Variants in CCDC170 observed in about 807,000 individuals in gnomAD.
The protein encoded by CCDC170 is coiled-coil domain containing 170.
Under a neutral mutation model 72.6 loss-of-function variants are expected in CCDC170, and 69 were observed. The observed-to-expected ratio is 0.95, with a 90% CI of 0.78 to 1.16. The LOEUF is 1.16. Among genes scored for constraint, CCDC170 ranks in the 50% most tolerant of loss-of-function variants. The pLI, the probability that CCDC170 is intolerant of heterozygous loss-of-function variation, is 0.00. For missense variants in CCDC170, 852 were observed against 832.5 expected, an observed-to-expected ratio of 1.02 and a Z score of -0.29; for synonymous variants, 300 against 303.9, an observed-to-expected ratio of 0.99 and a Z score of 0.13.
chr6:151,534,620 T>C (rs1405424532), intron 1 of CCDC170, among the ~76,000 whole-genome samples: 2 of 152,182 alleles, frequency 1.3e-5, no homozygotes. Flanking sequence ...TCAGTTAAAC[T>C]TCTTATGCTT....
chr6:151,537,068 A>G (rs1222804692), intron 2 of CCDC170, among the ~76,000 whole-genome samples: 1 of 152,162 alleles, frequency 6.6e-6, no homozygotes, highest in Non-Finnish European at 1.5e-5. Context: ...CTCTCAGAAT[A>G]TCTTCCTTTA....
rs999005386 is a variant in CCDC170 at position 151,508,559 on chromosome 6, A to C, written c.57+14374A>C. ...ATCTGAAAAAAACCAAAAAAACCCCAAAAATTAGCCGGGAGTGGTAGCGTG... is the reference window on the plus strand; with the variant it reads ...ATCTGAAAAAAACCAAAAAAACCCCCAAAATTAGCCGGGAGTGGTAGCGTG... On this transcript the variant is annotated intron_variant, in intron 1 of 10. Coordinates refer to ENST00000239374, the MANE Select transcript of CCDC170 (RefSeq NM_025059.4). 3.3e-5 allele frequency among the ~76,000 whole-genome samples: 5 copies of C among 151,834 alleles called. No individual in the cohort carries two copies. In the South Asian group the frequency reaches 8.3e-4, roughly 25 times the overall value.
At chr6:151,578,977 A>G (rs1054258140) in intron 6 of CCDC170, among the ~76,000 whole-genome samples, 1 of 152,132 alleles carries the variant, frequency 6.6e-6, no homozygotes, top group African/African-American at 2.4e-5. Context: ...TTAGGGCATT[A>G]TGACTTTACT....
chr6:151,572,218 C>T (rs995516307), intron 5 of CCDC170, among the ~76,000 whole-genome samples: 1 of 152,184 alleles, frequency 6.6e-6, no homozygotes, highest in African/African-American at 2.4e-5. Context: ...AATCCTCCCA[C>T]CTACCAAATG....
rs1033107747 is a variant in CCDC170 at position 151,599,384 on chromosome 6, C to T, written c.1710+2807C>T. 4.6e-5 allele frequency among the ~76,000 whole-genome samples: 7 copies of T among 152,246 alleles called. No homozygotes were observed. The East Asian group carries it at 5.8e-4, about 13-fold the overall frequency. ...CCTAGTGCTGTCATGGTATTTGGTA[C>T]AACATTGCTTCTGATCAAACAACAG... On this transcript the variant is annotated intron_variant, in intron 9 of 10. Transcript: ENST00000239374.
At chr6:151,576,234 T>C (rs1046659561) in intron 6 of CCDC170, among the ~76,000 whole-genome samples, 1 of 152,140 alleles carries the variant, frequency 6.6e-6, no homozygotes, top group Non-Finnish European at 1.5e-5. Context: ...TGCCCAAATA[T>C]AGGCCAATGT....
At chr6:151,520,318 G>A (rs1562269672) in intron 1 of CCDC170, among the ~76,000 whole-genome samples, 3 of 152,306 alleles carry the variant, frequency 2.0e-5, no homozygotes, top group South Asian at 4.1e-4. Flanking sequence ...AACTGTGATC[G>A]GCAAAGATGT....
chr6:151,606,032 G>C (rs1393215450), intron 9 of CCDC170, among the ~76,000 whole-genome samples: 5 of 151,772 alleles, frequency 3.3e-5, no homozygotes, highest in Admixed American at 1.3e-4. Context: ...CACCCAAGTA[G>C]CTGGGATTAC....
At position 151,548,347 on chromosome 6, in the gene CCDC170, T is replaced by C; in HGVS notation, c.632T>C (p.Ile211Thr). ...RKENEFVKGQ[I>T]VILEETINVH... The stretch of plus-strand genomic sequence containing the variant: ...GAAAATGAATTCGTGAAAGGACAAA[T>C]TGTTATTCTTGAAGAGACTATAAAT... Residue 211 changes from isoleucine (I) to threonine (T), a missense_variant, in exon 5 of 11, where the codon ATT becomes ACT. Physicochemically the swap from Ile to Thr is moderately conservative, Grantham distance 89 (BLOSUM62 -1). Coordinates refer to ENST00000239374, the MANE Select transcript of CCDC170 (RefSeq NM_025059.4). 1.9e-6 allele frequency: 3 copies of C among 1,602,412 alleles called. No homozygotes were observed. The highest frequency in any genetic ancestry group is 1.7e-4 in the Middle Eastern group (1 of 5,974).
intron 8 of CCDC170, among the ~76,000 whole-genome samples, chr6:151,593,979 G>A (rs1277812169): frequency 6.6e-6 from 1 of 152,152 alleles, no homozygotes; most frequent in Non-Finnish European, 1.5e-5. Flanking sequence ...ACATTTAGCA[G>A]CCTCTGCATT....
chr6:151,530,542 A>G (rs1432533957), intron 1 of CCDC170, among the ~76,000 whole-genome samples: 1 of 151,784 alleles, frequency 6.6e-6, no homozygotes, highest in Non-Finnish European at 1.5e-5. Flanking sequence ...CCTGAGTTCA[A>G]GTGATTCTCC....
intron 4 of CCDC170, 59 bp from the exon 5 acceptor site, chr6:151,548,245 T>C: frequency 7.1e-7 from 1 of 1,410,108 alleles, no homozygotes; most frequent in Middle Eastern, 2.7e-4. Flanking sequence ...GTGACTTGCT[T>C]AGAGAAAATG....
At chr6:151,495,688 G>A (rs1235774266) in intron 1 of CCDC170, among the ~76,000 whole-genome samples, 2 of 152,130 alleles carry the variant, frequency 1.3e-5, no homozygotes. Flanking sequence ...CAGAGGCAGA[G>A]TTTTATCGTG....
chr6:151,565,300 C>T (rs990224803), intron 5 of CCDC170, among the ~76,000 whole-genome samples: 5 of 152,186 alleles, frequency 3.3e-5, no homozygotes, highest in Admixed American at 3.3e-4. Context: ...GTTTGGGATT[C>T]AGCCTGAGCT....
At chr6:151,533,055 T>C (rs1260565717) in intron 1 of CCDC170, among the ~76,000 whole-genome samples, 3 of 49,214 alleles carry the variant, frequency 6.1e-5, no homozygotes, top group African/African-American at 1.2e-4. Flanking sequence ...TATTTCTCTT[T>C]TTTTTTTTTT....
At chr6:151,589,774 C>T (rs1776506670) in intron 7 of CCDC170, among the ~76,000 whole-genome samples, 1 of 152,080 alleles carries the variant, frequency 6.6e-6, no homozygotes. Flanking sequence ...TCTGGTGCCC[C>T]CAGGATCAGG....
intron 5 of CCDC170, among the ~76,000 whole-genome samples, chr6:151,553,064 G>A (rs554250259): frequency 1.3e-5 from 2 of 152,252 alleles, no homozygotes; most frequent in East Asian, 1.9e-4. Context: ...TGGGATTACA[G>A]GCATGAGCCA....
intron 5 of CCDC170, among the ~76,000 whole-genome samples, chr6:151,552,777 T>A (rs1362108084): frequency 8.5e-6 from 1 of 118,096 alleles, no homozygotes; most frequent in Non-Finnish European, 1.7e-5. Context: ...AATCAGCCAA[T>A]TCTTTTTTTT....
chr6:151,558,233 T>G (rs35117008), intron 5 of CCDC170, among the ~76,000 whole-genome samples: 1,424 of 19,480 alleles, frequency 0.073, 22 homozygotes, highest in African/African-American at 0.15. Context: ...GAGATTAGTG[T>G]TTTTTTTTTT....
Sources: allele counts gnomAD v4.1 joint callset (sites outside exome capture counted in the v4.1 genomes callset), GRCh38; gene constraint gnomAD v4.1.1; transcripts MANE v1.5; gene names NCBI Gene and HGNC (gene_info 2026-07-23, HGNC 2026-07-21).